Variants in MAN1A2 observed in about 807,000 individuals in gnomAD.
MAN1A2 encodes the protein mannosidase alpha class 1A member 2, also known as mannosyl-oligosaccharide 1,2-alpha-mannosidase IB.
MAN1A2 carries 26 observed loss-of-function variants against 75.7 expected under a neutral mutation model. The observed-to-expected ratio is 0.34, with a 90% CI of 0.25 to 0.48. The LOEUF is 0.48. Ranked by LOEUF, MAN1A2 falls within the 20% of genes least tolerant of loss-of-function variation. The probability of loss-of-function intolerance (pLI) is 0.99; values close to 1 mark genes in which losing one functional copy is unlikely to be tolerated. For synonymous variants in MAN1A2, 247 were observed against 264.6 expected (o/e 0.93, Z 0.65); for missense variants, 562 against 775.5 (o/e 0.72, Z 3.27).
At chr1:117,371,469 G>T (rs1032798402) in intron 1 of MAN1A2, among the ~76,000 whole-genome samples, 2 of 152,202 alleles carry the variant, frequency 1.3e-5, no homozygotes, top group Non-Finnish European at 2.9e-5. Context: ...GTTGGGGGTG[G>T]AGGGGCAGTG....
intron 1 of MAN1A2, among the ~76,000 whole-genome samples, chr1:117,377,484 C>CG (rs1260117742): frequency 6.6e-6 from 1 of 152,184 alleles, no homozygotes; most frequent in African/African-American, 2.4e-5. Context: ...GGGAAATTTT[C>CG]ACAAAGAAGT....
At chr1:117,477,057 A>C (rs1347621568) in intron 8 of MAN1A2, among the ~76,000 whole-genome samples, 6 of 151,530 alleles carry the variant, frequency 4.0e-5, no homozygotes, top group Admixed American at 3.3e-4. Flanking sequence ...GAATTCCTGG[A>C]CACATACACC....
chr1:117,502,657 T>C (rs1481111002), intron 11 of MAN1A2, among the ~76,000 whole-genome samples, 198 bp from the exon 12 acceptor site: 3 of 151,748 alleles, frequency 2.0e-5, no homozygotes, highest in Non-Finnish European at 4.4e-5. Context: ...AGAGAAGTTC[T>C]ATAGGAAACA....
intron 12 of MAN1A2, among the ~76,000 whole-genome samples, chr1:117,519,336 T>A (rs1389553775): frequency 6.6e-6 from 1 of 151,172 alleles, no homozygotes; most frequent in African/African-American, 2.4e-5. Flanking sequence ...ATAACCAAGA[T>A]CAGAGCAGAA....
chr1:117,383,161 T>G (rs951550347), intron 1 of MAN1A2, among the ~76,000 whole-genome samples: 1 of 152,242 alleles, frequency 6.6e-6, no homozygotes, highest in Admixed American at 6.5e-5. Flanking sequence ...TGATGTTAGC[T>G]GTGACTTTTT....
At chr1:117,400,498 C>G (rs1647388095) in intron 1 of MAN1A2, among the ~76,000 whole-genome samples, 1 of 150,626 alleles carries the variant, frequency 6.6e-6, no homozygotes, top group South Asian at 2.1e-4. Flanking sequence ...TTGTGTTATT[C>G]CTTTATAGTT....
chr1:117,515,085 G>A (rs1160131413), intron 12 of MAN1A2: 4 of 267,824 alleles, frequency 1.5e-5, no homozygotes. Flanking sequence ...TTTAGGCATG[G>A]ACAAATTTAA....
At chr1:117,377,197 G>A (rs1051991327) in intron 1 of MAN1A2, among the ~76,000 whole-genome samples, 3 of 152,138 alleles carry the variant, frequency 2.0e-5, no homozygotes, top group South Asian at 2.1e-4. Context: ...GTTTGTATGT[G>A]TTTGGTGTGT....
At chr1:117,460,421 A>G in intron 6 of MAN1A2, 68 bp from the exon 7 acceptor site, 6 of 1,082,418 alleles carry the variant, frequency 5.5e-6, no homozygotes, top group Non-Finnish European at 8.2e-6. Context: ...AAATTTACAT[A>G]TTCATTAAAC....
chr1:117,448,763 ATGGGAGTGGCGAATT>A (rs1325462684), intron 6 of MAN1A2, among the ~76,000 whole-genome samples: 1 of 152,166 alleles, frequency 6.6e-6, no homozygotes, highest in Non-Finnish European at 1.5e-5. Context: ...TAATGGAGTG[ATGGGAGTGGCGAATT>A]TGGGAGTGGG....
intron 10 of MAN1A2, among the ~76,000 whole-genome samples, chr1:117,498,152 T>C (rs750144059): frequency 1.3e-5 from 2 of 151,862 alleles, no homozygotes; most frequent in Non-Finnish European, 2.9e-5. Flanking sequence ...ATAATACATA[T>C]AATGGCAGCG....
At chr1:117,382,765 C>T (rs1653394346) in intron 1 of MAN1A2, among the ~76,000 whole-genome samples, 1 of 152,210 alleles carries the variant, frequency 6.6e-6, no homozygotes, top group East Asian at 1.9e-4. Flanking sequence ...CTATAAATTA[C>T]CTTGGGCAGT....
chr1:117,460,055 C>T (rs544629189), intron 6 of MAN1A2, among the ~76,000 whole-genome samples: 19 of 148,450 alleles, frequency 1.3e-4, no homozygotes, highest in East Asian at 2.0e-4. Flanking sequence ...TATGGAATTC[C>T]GTACAACTGT....
chr1:117,493,085 C>T lies in MAN1A2; in HGVS notation c.1169-62C>T, dbSNP rs572711514. ...ATAGTCATTATAATTGAAAATGTTA[C>T]TTTATTTGTCTTGTCTTCCCTTGCC... On this transcript the variant is annotated intron_variant, in intron 8 of 12. Coordinates refer to ENST00000356554, the MANE Select transcript of MAN1A2 (RefSeq NM_006699.5). 1.9e-5 allele frequency: 17 copies of T among 876,592 alleles called. No individual in the cohort carries two copies. The African/African-American group carries it at 2.8e-4, about 15-fold the overall frequency. 54.3% of individuals were successfully genotyped at this position (876,592 alleles called of 1,614,324 possible).
intron 4 of MAN1A2, among the ~76,000 whole-genome samples, chr1:117,415,756 T>G (rs545336839): frequency 6.6e-6 from 1 of 152,280 alleles, no homozygotes; most frequent in East Asian, 1.9e-4. Context: ...ATCATTTGTC[T>G]TGTTGTTCTG....
In MAN1A2 at chr1:117,414,784, T is replaced by C. The variant is rs1456429376; in HGVS notation, c.727T>C (p.Phe243Leu). 1 of 1,610,584 alleles carries C rather than the reference T, an allele frequency of 6.2e-7. No individual in the cohort carries two copies. The highest frequency in any genetic ancestry group is 1.7e-5 in the Admixed American group (1 of 59,816). Reference protein sequence around the residue: ...TLYIMGLHDEFLDGQRWIEDN... With the variant: ...TLYIMGLHDELLDGQRWIEDN... ...TTATATCATGGGACTTCATGATGAA[T>C]TCCTAGATGGGCAAAGATGGATTGA... is the stretch of plus-strand genomic sequence containing the variant. Residue 243 changes from phenylalanine to leucine, a missense_variant, in exon 4 of 13, where the codon TTC becomes CTC. Transcript: ENST00000356554.
chr1:117,522,265 A>G (rs557052209), intron 12 of MAN1A2, among the ~76,000 whole-genome samples: 6 of 151,990 alleles, frequency 3.9e-5, no homozygotes, highest in African/African-American at 1.4e-4. Flanking sequence ...TGACAAATCA[A>G]CTCTAACAAC....
chr1:117,458,126 A>G (rs1429639261), intron 6 of MAN1A2, among the ~76,000 whole-genome samples: 1 of 152,048 alleles, frequency 6.6e-6, no homozygotes, highest in Non-Finnish European at 1.5e-5. Flanking sequence ...TTTCCTTTTT[A>G]ATTTTCTTCA....
At chr1:117,376,604 G>A (rs1336880664) in intron 1 of MAN1A2, among the ~76,000 whole-genome samples, 3 of 152,204 alleles carry the variant, frequency 2.0e-5, no homozygotes, top group African/African-American at 4.8e-5. Context: ...CTGGAAAAAA[G>A]AGACAAATAT....
Sources: gnomAD v4.1 joint callset for allele counts (sites outside exome capture counted in the v4.1 genomes callset) on GRCh38, gnomAD v4.1.1 for gene constraint, MANE v1.5 for transcripts, NCBI Gene and HGNC (gene_info 2026-07-23, HGNC 2026-07-21) for gene names.